ZMAT4: variants seen among roughly 807,000 people sequenced by gnomAD.
ZMAT4 encodes the protein zinc finger matrin-type 4, also known as zinc finger matrin-type protein 4.
Under a neutral mutation model 28.7 loss-of-function variants are expected in ZMAT4, and 17 were observed. The observed-to-expected ratio is 0.59, with a 90% CI of 0.41 to 0.89. The LOEUF (loss-of-function observed/expected upper bound fraction) is 0.89, where lower values mean the gene tolerates loss of function less well. Ranked by LOEUF, ZMAT4 falls within the 40% of genes least tolerant of loss-of-function variation. The pLI is 0.00. For missense variants in ZMAT4, 240 were observed against 283.8 expected (o/e 0.85, Z 1.11); for synonymous variants, 117 against 109.2 (o/e 1.07, Z -0.44).
chr8:40,563,421 G>A (rs571295641), intron 6 of ZMAT4, among the ~76,000 whole-genome samples: 1 of 152,258 alleles, frequency 6.6e-6, no homozygotes, highest in South Asian at 2.1e-4. Context: ...TGCGGTATCT[G>A]ACACTTAGCT....
chr8:40,881,524 GAGAC>G (rs1253682759), intron 1 of ZMAT4, among the ~76,000 whole-genome samples: 2 of 48,262 alleles, frequency 4.1e-5, no homozygotes, highest in Non-Finnish European at 8.1e-5. Flanking sequence ...GGGAGAGAGA[GAGAC>G]AGAAAGAAAG....
chr8:40,588,054 A>T (rs1330979945), intron 5 of ZMAT4, among the ~76,000 whole-genome samples: 1 of 152,062 alleles, frequency 6.6e-6, no homozygotes, highest in Non-Finnish European at 1.5e-5. Flanking sequence ...GGAGAACCTA[A>T]TAGTTCTAAA....
chr8:40,797,490 T>C (rs1264309118), intron 2 of ZMAT4, among the ~76,000 whole-genome samples: 1 of 152,168 alleles, frequency 6.6e-6, no homozygotes, highest in Non-Finnish European at 1.5e-5. Flanking sequence ...TTGTCACCTG[T>C]CCTTTAACCT....
chr8:40,610,416 C>T (rs1012308949), intron 5 of ZMAT4, among the ~76,000 whole-genome samples: 1 of 152,234 alleles, frequency 6.6e-6, no homozygotes, highest in Admixed American at 6.5e-5. Context: ...GGGAGCTATG[C>T]AGGGTTGGCA....
At chr8:40,667,036 C>G (rs772810355) in intron 5 of ZMAT4, among the ~76,000 whole-genome samples, 1 of 151,874 alleles carries the variant, frequency 6.6e-6, no homozygotes, top group Non-Finnish European at 1.5e-5. Context: ...GCACGCATGG[C>G]GCCATTTGTA....
intron 1 of ZMAT4, among the ~76,000 whole-genome samples, chr8:40,874,478 C>G: frequency 6.6e-6 from 1 of 152,176 alleles, no homozygotes; most frequent in African/African-American, 2.4e-5. Context: ...TCCTACTTCC[C>G]CAATGGAATG....
chr8:40,868,189 A>G (rs193270804), intron 1 of ZMAT4, among the ~76,000 whole-genome samples: 6 of 152,358 alleles, frequency 3.9e-5, no homozygotes, highest in Admixed American at 1.3e-4. Flanking sequence ...ATGGAAAAAA[A>G]GCCATTTAGG....
intron 1 of ZMAT4, among the ~76,000 whole-genome samples, chr8:40,887,698 C>T (rs1404950627): frequency 6.6e-6 from 1 of 152,128 alleles, no homozygotes; most frequent in Admixed American, 6.5e-5. Context: ...AGGAACAAAA[C>T]CCAGAGACAC....
intron 1 of ZMAT4, among the ~76,000 whole-genome samples, chr8:40,838,107 C>T (rs185162413): frequency 6.6e-6 from 1 of 152,354 alleles, no homozygotes; most frequent in East Asian, 1.9e-4. Context: ...CATCTGGCAA[C>T]AGCCCTGATG....
chr8:40,547,965 G>C (rs1167725875), intron 6 of ZMAT4, among the ~76,000 whole-genome samples: 1 of 152,164 alleles, frequency 6.6e-6, no homozygotes, highest in Non-Finnish European at 1.5e-5. Flanking sequence ...ATCTGGGACG[G>C]CCTCACTGGG....
At chr8:40,656,345 G>A (rs1299340572) in intron 5 of ZMAT4, among the ~76,000 whole-genome samples, 2 of 152,034 alleles carry the variant, frequency 1.3e-5, no homozygotes, top group Non-Finnish European at 2.9e-5. Flanking sequence ...ATTGCTGGTG[G>A]GAATGTAAAA....
chr8:40,873,731 C>G (rs11786547), intron 1 of ZMAT4, among the ~76,000 whole-genome samples: 4,655 of 152,204 alleles, frequency 0.031, 123 homozygotes, highest in South Asian at 0.085. Context: ...CAAAGTAGTC[C>G]CAGAGGATCT....
At chr8:40,717,900 CTGT>C (rs5891115) in intron 3 of ZMAT4, among the ~76,000 whole-genome samples, 90,483 of 150,836 alleles carry the variant, frequency 0.6, 27,523 homozygotes, top group African/African-American at 0.71. Flanking sequence ...TTCCCACATA[CTGT>C]TGTTCTCTGT....
chr8:40,843,184 C>T (rs749529771), intron 1 of ZMAT4, among the ~76,000 whole-genome samples: 1 of 152,244 alleles, frequency 6.6e-6, no homozygotes, highest in Admixed American at 6.5e-5. Context: ...TTCTACCCAT[C>T]TCTTCTAAAT....
At position 40,687,403 on chromosome 8, in the gene ZMAT4, T is replaced by C. The variant is rs563935387; in HGVS notation, c.349+9842A>G. On this transcript the variant is annotated intron_variant, in intron 4 of 6. Coordinates refer to ENST00000297737, the MANE Select transcript of ZMAT4 (RefSeq NM_024645.3). ...TCTGGGAGGTTGGTAGAATTAAGGATTATTAATACCTGATGGGGGAGGGAG... is the reference window on the plus strand; with the variant it reads ...TCTGGGAGGTTGGTAGAATTAAGGACTATTAATACCTGATGGGGGAGGGAG... Among the ~76,000 whole-genome samples the C allele has an allele frequency of 1.5e-3, 223 of 152,186 alleles. 2 individuals carry two copies. The highest frequency in any genetic ancestry group is 2.4e-3 in the Non-Finnish European group (161 of 68,012).
At chr8:40,824,936 C>A (rs1815978559) in intron 2 of ZMAT4, among the ~76,000 whole-genome samples, 1 of 152,230 alleles carries the variant, frequency 6.6e-6, no homozygotes. Context: ...TCTCTCCTCT[C>A]ATCCTCTGCT....
chr8:40,865,156 T>G (rs1586188660), intron 1 of ZMAT4, among the ~76,000 whole-genome samples: 1 of 152,176 alleles, frequency 6.6e-6, no homozygotes, highest in Admixed American at 6.5e-5. Flanking sequence ...AGAATCAACC[T>G]TTTGCTGCAT....
In ZMAT4 at chr8:40,767,657, C is replaced by T; in HGVS notation, c.176G>A (p.Arg59Lys). ...GATACTCACATTTTCTGACCGGAGC[C>T]TCTTGGCAGGACACCCTCCATCCCT... The part of the protein sequence containing the change: ...HPRDGGCPAK[R>K]LRSENGSDAD... Residue 59 changes from arginine (R) to lysine (K), a missense_variant, in exon 3 of 7, where the codon AGG becomes AAG. By Grantham distance (26) the Arg-to-Lys change is conservative. Coordinates refer to ENST00000297737, the MANE Select transcript of ZMAT4 (RefSeq NM_024645.3). The T allele has an allele frequency of 6.2e-7, 1 of 1,612,908 alleles. No individual in the cohort carries two copies. The highest frequency in any genetic ancestry group is 8.5e-7 in the Non-Finnish European group (1 of 1,179,618).
At chr8:40,553,224 C>A (rs1002735295) in intron 6 of ZMAT4, among the ~76,000 whole-genome samples, 1 of 152,170 alleles carries the variant, frequency 6.6e-6, no homozygotes, top group Non-Finnish European at 1.5e-5. Flanking sequence ...GCAAATCCTG[C>A]AGCCCCACTC....
Sources: allele counts gnomAD v4.1 joint callset (sites outside exome capture counted in the v4.1 genomes callset), GRCh38; gene constraint gnomAD v4.1.1; transcripts MANE v1.5; gene names NCBI Gene and HGNC (gene_info 2026-07-23, HGNC 2026-07-21).